The following UTP11 variants were observed in gnomAD, a reference collection of about 807,000 sequenced individuals.
UTP11 encodes probable U3 small nucleolar RNA-associated protein 11.
Under a neutral mutation model 39.0 loss-of-function variants are expected in UTP11, and 29 were observed. The observed-to-expected ratio is 0.74, with a 90% CI of 0.55 to 1.01. The LOEUF is 1.01. UTP11 is among the 50% of genes least tolerant of loss of function. UTP11 has a pLI of 0.00. For synonymous variants in UTP11, 111 were observed against 105.0 expected (o/e 1.06, Z -0.35); for missense variants, 281 against 306.0 (o/e 0.92, Z 0.61).
chr1:38,015,879 G>A (rs942238390), intron 1 of UTP11, among the ~76,000 whole-genome samples: 23 of 152,196 alleles, frequency 1.5e-4, no homozygotes, highest in Admixed American at 3.9e-4. Context: ...TTACAGTCAG[G>A]AAATAGCAGC....
In UTP11 at chr1:38,024,394, CTTTTTTTTTT is replaced by C. The variant is rs34934086; in HGVS notation, c.*776_*785del. 2 of 125,486 alleles carry C rather than the reference CTTTTTTTTTT, an allele frequency of 1.6e-5. No homozygotes were observed. The highest frequency in any genetic ancestry group is 6.1e-5 in the African/African-American group (2 of 32,982). The allele number at this position is 125,486 out of a possible 1,614,324, so 7.8% of individuals were successfully genotyped here. Reference sequence around the variant, plus strand: ...TTACAGTAAACAATTTGATGTCCTACTTTTTTTTTTTTTTTTTTTGAGACGGAGTCTCGCT... The same window carrying C: ...TTACAGTAAACAATTTGATGTCCTACTTTTTTTTTGAGACGGAGTCTCGCT... On this transcript the variant is annotated 3_prime_UTR_variant, in exon 8 of 8. Transcript: ENST00000373014.
chr1:38,019,763 C>T (rs1646726630), intron 6 of UTP11, among the ~76,000 whole-genome samples: 2 of 152,118 alleles, frequency 1.3e-5, no homozygotes, highest in Admixed American at 6.5e-5. Flanking sequence ...GGATTACAAG[C>T]GTGAGCCACT....
Position 38,019,058 on chromosome 1 carries a change from G to A in UTP11, c.343-1G>A. 1 of 1,610,648 alleles carries A rather than the reference G, an allele frequency of 6.2e-7. No homozygotes were observed. The highest frequency in any genetic ancestry group is 8.5e-7 in the Non-Finnish European group (1 of 1,178,192). On this transcript the variant is annotated splice_acceptor_variant, in intron 4 of 7. Transcript: ENST00000373014. LOFTEE classifies it high-confidence loss of function. ...AAGTGAGACCATATTCTGTGTTCTA[G>A]AAAATCGAAAGACTAAAATCAGAGC...
chr1:38,017,813 T>C (rs761038567), intron 3 of UTP11, 43 bp downstream of exon 3: 3 of 1,501,874 alleles, frequency 2.0e-6, no homozygotes, highest in Non-Finnish European at 2.7e-6. Flanking sequence ...GCTCCACACA[T>C]TGGAAAATAA....
At chr1:38,016,680 T>C (rs748621399) in intron 2 of UTP11, 9 of 421,544 alleles carry the variant, frequency 2.1e-5, no homozygotes, top group Non-Finnish European at 3.9e-5. Context: ...CATAGTGGCT[T>C]TGATTTGGCT....
rs61711547 is a variant in UTP11 at position 38,017,624 on chromosome 1, ATT to A, written c.126-32_126-31del. The A allele has an allele frequency of 1.8e-3, 1,937 of 1,066,936 alleles. 1 individual carries two copies. Among genetic ancestry groups the A allele is most frequent in the South Asian group, 3.3e-3 (158 of 47,370 alleles). 66.1% of individuals were successfully genotyped at this position (1,066,936 alleles called of 1,614,324 possible). ...GGTTTTTGGTTTTTTAAAATTATCT[ATT>A]TTTTTTTTTTTGCTATGAACCTCAT... On this transcript the variant is annotated intron_variant, in intron 2 of 7. Coordinates refer to ENST00000373014, the MANE Select transcript of UTP11 (RefSeq NM_016037.4).
chr1:38,013,691 C>A (rs1025610457), intron 1 of UTP11, among the ~76,000 whole-genome samples: 1 of 152,124 alleles, frequency 6.6e-6, no homozygotes, highest in African/African-American at 2.4e-5. Context: ...AACTACAGTT[C>A]AGTCTTCCTG....
chr1:38,022,990 T>C (rs1249677081), intron 7 of UTP11, among the ~76,000 whole-genome samples, 181 bp downstream of exon 7: 1 of 152,118 alleles, frequency 6.6e-6, no homozygotes, highest in Non-Finnish European at 1.5e-5. Context: ...TGCGCCTTGA[T>C]TAAGGAGGTA....
rs149928028 is a variant in UTP11, at chr1:38,014,013, C to A, written c.63+1148C>A. ...TACAGGCGTGAGCCCCTGCACCCGG[C>A]CAAAACTATCACCTTTTGAGCACTT... On this transcript the variant is annotated intron_variant, in intron 1 of 7. Coordinates refer to ENST00000373014, the MANE Select transcript of UTP11 (RefSeq NM_016037.4). 1.3e-3 allele frequency among the ~76,000 whole-genome samples: 193 copies of A among 152,354 alleles called. 3 individuals carry two copies. The East Asian group carries it at 0.028, about 22-fold the overall frequency.
At chr1:38,021,604 C>T (rs1646737928) in intron 6 of UTP11, among the ~76,000 whole-genome samples, 1 of 152,140 alleles carries the variant, frequency 6.6e-6, no homozygotes. Context: ...TCTCAAGAAA[C>T]ATCCCATGCT....
At chr1:38,023,494 T>C in intron 7 of UTP11, 51 bp from the exon 8 acceptor site, 1 of 1,554,276 alleles carries the variant, frequency 6.4e-7, no homozygotes, top group African/African-American at 1.4e-5. Flanking sequence ...CCTTTCGATT[T>C]TACAAAACCA....
intron 6 of UTP11, among the ~76,000 whole-genome samples, chr1:38,020,769 A>C (rs985971074): frequency 1.3e-5 from 2 of 152,226 alleles, no homozygotes; most frequent in Non-Finnish European, 2.9e-5. Context: ...CGAAAACAAA[A>C]GCTGTCTGAA....
In UTP11 at chr1:38,017,615, A is replaced by G. The variant is rs962328884; in HGVS notation, c.126-53A>G. ...CTTATTGTGGGTTTTTGGTTTTTTA[A>G]AATTATCTATTTTTTTTTTTTTGCT... On this transcript the variant is annotated intron_variant, in intron 2 of 7. Coordinates refer to ENST00000373014, the MANE Select transcript of UTP11 (RefSeq NM_016037.4). The G allele has an allele frequency of 1.3e-5, 18 of 1,394,516 alleles. 1 individual carries two copies. In the African/African-American group the frequency reaches 2.7e-4, roughly 21 times the overall value. 86.4% of individuals were successfully genotyped at this position (1,394,516 alleles called of 1,614,324 possible).
chr1:38,017,640 T>A, intron 2 of UTP11, 28 bp from the exon 3 acceptor site: 3 of 1,301,960 alleles, frequency 2.3e-6, no homozygotes, highest in African/African-American at 1.6e-5. Flanking sequence ...TTTTTTTTGC[T>A]ATGAACCTCA....
chr1:38,018,273 G>C (rs138533256), intron 3 of UTP11, among the ~76,000 whole-genome samples, 191 bp from the exon 4 acceptor site: 1 of 152,034 alleles, frequency 6.6e-6, no homozygotes, highest in Non-Finnish European at 1.5e-5. Flanking sequence ...GTTTCACCAT[G>C]TTGGTCAGGC....
In UTP11 at chr1:38,018,473, C is replaced by T. The variant is rs754036629; in HGVS notation, c.238C>T (p.His80Tyr). Residue 80 changes from histidine (H) to tyrosine (Y), a missense_variant, in exon 4 of 8, where the codon CAT (histidine) becomes TAT (tyrosine). Coordinates refer to ENST00000373014, the MANE Select transcript of UTP11 (RefSeq NM_016037.4). ...MTRVKLQDGV[H>Y]IIKETKEEVT... ...TAAATTTGGATTTTAGGATGGAGTA[C>T]ATATTATTAAGGAGACTAAGGAAGA... is the stretch of plus-strand genomic sequence containing the variant. 1.2e-5 allele frequency: 19 copies of T among 1,608,572 alleles called. No homozygotes were observed. The South Asian group carries it at 1.9e-4, about 16-fold the overall frequency.
intron 3 of UTP11, among the ~76,000 whole-genome samples, 180 bp downstream of exon 3, chr1:38,017,950 T>C (rs1381520245): frequency 5.3e-5 from 8 of 152,194 alleles, no homozygotes; most frequent in Admixed American, 4.6e-4. Flanking sequence ...ATTTTTACCT[T>C]TGAATCTGGG....
In UTP11 at chr1:38,024,727, A is replaced by C. The variant is rs1326057819; in HGVS notation, c.*1099A>C. 1 of 152,214 alleles carries C rather than the reference A, an allele frequency of 6.6e-6. No individual in the cohort carries two copies. Among genetic ancestry groups the C allele is most frequent in the Non-Finnish European group, 1.5e-5 (1 of 68,036 alleles). The allele number at this position is 152,214 out of a possible 1,614,324, so 9.4% of individuals were successfully genotyped here. A position where few individuals can be genotyped will look rare whatever the true frequency, so the allele number is the denominator to read the frequency against. The stretch of plus-strand genomic sequence containing the variant: ...CGGCCGATGTCCTACTTTTTAATTA[A>C]ATCATTAGCTCTTTCCCAGTTTGTT... On this transcript the variant is annotated 3_prime_UTR_variant, in exon 8 of 8. Coordinates refer to ENST00000373014, the MANE Select transcript of UTP11 (RefSeq NM_016037.4).
At chr1:38,018,286 G>C (rs905431054) in intron 3 of UTP11, among the ~76,000 whole-genome samples, 178 bp from the exon 4 acceptor site, 1 of 152,088 alleles carries the variant, frequency 6.6e-6, no homozygotes, top group Non-Finnish European at 1.5e-5. Context: ...GGTCAGGCTG[G>C]TCTTGAACTC....
Sources: gnomAD v4.1 joint callset for allele counts (sites outside exome capture counted in the v4.1 genomes callset) on GRCh38, gnomAD v4.1.1 for gene constraint, MANE v1.5 for transcripts, NCBI Gene and HGNC (gene_info 2026-07-23, HGNC 2026-07-21) for gene names.